Variants in SLC4A5 observed in about 807,000 individuals in gnomAD.
SLC4A5 encodes electrogenic sodium bicarbonate cotransporter 4.
Under a neutral mutation model 120.4 loss-of-function variants are expected in SLC4A5, and 96 were observed. The observed-to-expected ratio is 0.80, with a 90% CI of 0.68 to 0.94. SLC4A5 has a LOEUF of 0.94. Among genes scored for constraint, SLC4A5 ranks in the 40% least tolerant of loss-of-function variants. The pLI is 0.00. For synonymous variants in SLC4A5, 550 were observed against 571.1 expected, an observed-to-expected ratio of 0.96 and a Z score of 0.53; for missense variants, 1,259 against 1,459.5, an observed-to-expected ratio of 0.86 and a Z score of 2.24.
At chr2:74,264,489 C>CGTGTGTGT (rs59538523) in intron 9 of SLC4A5, among the ~76,000 whole-genome samples, 190 bp from the exon 10 acceptor site, 6,132 of 143,690 alleles carry the variant, frequency 0.043, 453 homozygotes, top group African/African-American at 0.15. Flanking sequence ...TTCAAGGGCA[C>CGTGTGTGT]GTGTGTGTGT....
At chr2:74,237,483 A>C (rs893168545) in intron 21 of SLC4A5, among the ~76,000 whole-genome samples, 1 of 152,186 alleles carries the variant, frequency 6.6e-6, no homozygotes, top group African/African-American at 2.4e-5. Context: ...TTGATGGTGC[A>C]TTTGTGTTGT....
intron 21 of SLC4A5, among the ~76,000 whole-genome samples, chr2:74,237,038 G>T (rs181370984): frequency 1.3e-5 from 2 of 150,258 alleles, no homozygotes; most frequent in Non-Finnish European, 3.0e-5. Context: ...GTGCAGTGGC[G>T]CAATCTTTGC....
rs369207224 is a variant in SLC4A5 at position 74,255,951 on chromosome 2, C to T, written c.868-19G>A. On this transcript the variant is annotated intron_variant, in intron 12 of 30. Transcript: ENST00000394019. This position sits in a 1 kb window ranked among gnomAD's most constrained non-coding sequence, Gnocchi z 4.0. ...TTTTCCGCTGGACAGGGAGGGGAAA[C>T]GAGATAGCCAAGGAGACTCCCACCT... 3.1e-5 allele frequency: 50 copies of T among 1,611,344 alleles called. No individual in the cohort carries two copies. The highest frequency in any genetic ancestry group is 1.1e-4 in the African/African-American group (8 of 74,852).
intron 20 of SLC4A5, among the ~76,000 whole-genome samples, chr2:74,241,566 C>A (rs929103906): frequency 2.0e-5 from 3 of 151,672 alleles, no homozygotes; most frequent in African/African-American, 7.3e-5. Flanking sequence ...CATGGTGAAA[C>A]CCCGTCTCTA....
chr2:74,280,008 A>T (rs1671761009), intron 8 of SLC4A5, among the ~76,000 whole-genome samples: 1 of 152,082 alleles, frequency 6.6e-6, no homozygotes. Context: ...CTAAAGTGAG[A>T]TGAACTCTCT....
chr2:74,326,490 A>G (rs1052895211), intron 5 of SLC4A5, among the ~76,000 whole-genome samples: 1 of 152,156 alleles, frequency 6.6e-6, no homozygotes, highest in Admixed American at 6.5e-5. Context: ...CTGAAATCAC[A>G]TCTGGGATCC....
chr2:74,270,019 C>T (rs1177500762), intron 8 of SLC4A5, among the ~76,000 whole-genome samples: 3 of 152,288 alleles, frequency 2.0e-5, no homozygotes, highest in East Asian at 1.9e-4. Context: ...CAGACAAGGG[C>T]GATAACCCAC....
At chr2:74,334,433 T>C (rs1673435873) in intron 3 of SLC4A5, among the ~76,000 whole-genome samples, 1 of 152,236 alleles carries the variant, frequency 6.6e-6, no homozygotes, top group Admixed American at 6.5e-5. Flanking sequence ...TCAGCCTGAC[T>C]TGCTACCTCG....
rs1672130376 is a variant in SLC4A5, at chr2:74,290,618, G to A, written c.272-4716C>T. 1.4e-5 allele frequency: 13 copies of A among 948,264 alleles called. No individual in the cohort carries two copies. In the South Asian group the frequency reaches 4.4e-4, roughly 32 times the overall value. 58.7% of individuals were successfully genotyped at this position (948,264 alleles called of 1,614,324 possible). On this transcript the variant is annotated intron_variant, in intron 7 of 30. Coordinates refer to ENST00000394019, the Ensembl canonical transcript of SLC4A5. ...AGAGAGAGACAGAGAGAGAGACAGA[G>A]AAGTGAGAGAGAGAGAGAGAGAGAG...
At chr2:74,296,980 G>C (rs1672350145) in intron 7 of SLC4A5, among the ~76,000 whole-genome samples, 1 of 152,098 alleles carries the variant, frequency 6.6e-6, no homozygotes, top group Non-Finnish European at 1.5e-5. Flanking sequence ...TTGGAACCTT[G>C]TGAGGTTCCA....
chr2:74,259,389 A>G (rs1671065577), intron 12 of SLC4A5, among the ~76,000 whole-genome samples, 199 bp downstream of exon 12: 2 of 152,116 alleles, frequency 1.3e-5, no homozygotes, highest in African/African-American at 4.8e-5. Context: ...CAGAGCCAGC[A>G]CCTGGGACTC....
chr2:74,324,419 GAA>G (rs946499818), intron 5 of SLC4A5, among the ~76,000 whole-genome samples: 6 of 152,104 alleles, frequency 3.9e-5, no homozygotes, highest in Non-Finnish European at 8.8e-5. Context: ...AGCAGCTCCA[GAA>G]AGCTTGTTAA....
At chr2:74,297,064 G>A (rs376727094) in intron 7 of SLC4A5, among the ~76,000 whole-genome samples, 8 of 152,106 alleles carry the variant, frequency 5.3e-5, no homozygotes, top group East Asian at 1.9e-4. Context: ...TGATCCCAGC[G>A]CTGCTCAATA....
At chr2:74,331,903 T>C (rs1260526684) in intron 4 of SLC4A5, among the ~76,000 whole-genome samples, 1 of 152,118 alleles carries the variant, frequency 6.6e-6, no homozygotes, top group African/African-American at 2.4e-5. Context: ...ATTTCCTCCT[T>C]CTGGGAACAG....
intron 17 of SLC4A5, among the ~76,000 whole-genome samples, chr2:74,249,751 G>A (rs1159821151): frequency 6.6e-6 from 1 of 152,176 alleles, no homozygotes; most frequent in Non-Finnish European, 1.5e-5. Flanking sequence ...GGAATCCTGA[G>A]GGGCAGCCAT....
intron 19 of SLC4A5, among the ~76,000 whole-genome samples, chr2:74,245,429 T>C (rs1265879028): frequency 6.6e-6 from 1 of 152,234 alleles, no homozygotes; most frequent in African/African-American, 2.4e-5. Context: ...AATGCAACAC[T>C]GAATCTACAG....
chr2:74,274,570 C>T (rs1412404371), intron 8 of SLC4A5, among the ~76,000 whole-genome samples: 1 of 152,138 alleles, frequency 6.6e-6, no homozygotes, highest in Non-Finnish European at 1.5e-5. Flanking sequence ...CAGAAGCTAC[C>T]AGAAGGGGCT....
intron 12 of SLC4A5, among the ~76,000 whole-genome samples, chr2:74,259,160 T>C (rs980345096): frequency 9.9e-5 from 15 of 152,184 alleles, no homozygotes; most frequent in African/African-American, 3.4e-4. Flanking sequence ...AGATGCACTA[T>C]TGGACAGTCT....
intron 8 of SLC4A5, among the ~76,000 whole-genome samples, chr2:74,269,840 C>T (rs1377006095): frequency 6.6e-6 from 1 of 152,166 alleles, no homozygotes. Flanking sequence ...TCTGCCCATA[C>T]AAATGCAACT....
Sources: gnomAD v4.1 joint callset for allele counts (sites outside exome capture counted in the v4.1 genomes callset) on GRCh38, gnomAD v4.1.1 for gene constraint, Gnocchi (gnomAD v3.1) non-coding constraint, MANE v1.5 for transcripts, NCBI Gene and HGNC (gene_info 2026-07-23, HGNC 2026-07-21) for gene names.